Variants in DOCK2 observed in about 807,000 individuals in gnomAD.
DOCK2 encodes dedicator of cytokinesis 2.
DOCK2 carries 87 observed loss-of-function variants against 248.9 expected under a neutral mutation model. The ratio of observed to expected loss-of-function variants is 0.35; its 90% CI spans 0.29 to 0.42. DOCK2 has a LOEUF of 0.42. Among genes scored for constraint, DOCK2 ranks in the 10% least tolerant of loss-of-function variants. The pLI is 1.00. For synonymous variants in DOCK2, 805 were observed against 821.6 expected, an observed-to-expected ratio of 0.98 and a Z score of 0.35; for missense variants, 1,747 against 2,300.2, an observed-to-expected ratio of 0.76 and a Z score of 4.92.
At chr5:169,843,792 T>G (rs1477280360) in intron 27 of DOCK2, among the ~76,000 whole-genome samples, 1 of 152,228 alleles carries the variant, frequency 6.6e-6, no homozygotes, top group East Asian at 1.9e-4. Flanking sequence ...TTTATATAAA[T>G]GAAATCATAC....
chr5:169,841,496 G>T (rs1401582149), intron 27 of DOCK2: 1 of 971,868 alleles, frequency 1.0e-6, no homozygotes, highest in African/African-American at 1.8e-5. Flanking sequence ...ACATAAATGA[G>T]TATGCCCAAC....
chr5:169,916,400 C>A (rs950757382), intron 27 of DOCK2, among the ~76,000 whole-genome samples: 1 of 152,172 alleles, frequency 6.6e-6, no homozygotes, highest in African/African-American at 2.4e-5. Flanking sequence ...CCTCCTATCA[C>A]CCCTGTTCTG....
intron 27 of DOCK2, among the ~76,000 whole-genome samples, chr5:169,859,574 C>G (rs186381332): frequency 6.6e-6 from 1 of 152,180 alleles, no homozygotes; most frequent in African/African-American, 2.4e-5. Context: ...AAAATGAGAG[C>G]CTTTTCAAGT....
intron 26 of DOCK2, among the ~76,000 whole-genome samples, chr5:169,809,103 G>A (rs1468905405): frequency 6.6e-6 from 1 of 152,004 alleles, no homozygotes; most frequent in Non-Finnish European, 1.5e-5. Context: ...CAATTCTTGT[G>A]CCTCAGCTGG....
intron 25 of DOCK2, among the ~76,000 whole-genome samples, chr5:169,772,143 T>A (rs1329601406): frequency 6.6e-6 from 1 of 152,176 alleles, no homozygotes; most frequent in Admixed American, 6.5e-5. Flanking sequence ...CAGTCTCTGG[T>A]CCACAACATG....
chr5:169,919,875 C>A (rs761252422), intron 27 of DOCK2, among the ~76,000 whole-genome samples: 1 of 152,118 alleles, frequency 6.6e-6, no homozygotes, highest in Non-Finnish European at 1.5e-5. Context: ...CATTAACCAG[C>A]AGATTAGTAT....
At chr5:169,875,817 GC>G (rs995777174) in intron 27 of DOCK2, 5 of 152,610 alleles carry the variant, frequency 3.3e-5, no homozygotes, top group African/African-American at 1.2e-4. Flanking sequence ...TCTTTCGTCA[GC>G]TGTTATCATT....
chr5:169,639,140 A>G (rs1439742713), intron 1 of DOCK2, among the ~76,000 whole-genome samples: 1 of 152,202 alleles, frequency 6.6e-6, no homozygotes, highest in African/African-American at 2.4e-5. Context: ...AAGAAGTTAA[A>G]TAGTTAATTA....
chr5:170,032,641 C>T (rs1172174071), intron 34 of DOCK2, among the ~76,000 whole-genome samples: 2 of 152,190 alleles, frequency 1.3e-5, no homozygotes, highest in Non-Finnish European at 2.9e-5. Context: ...CAGGAGGAGG[C>T]ATGCACAGCT....
intron 27 of DOCK2, among the ~76,000 whole-genome samples, chr5:169,849,940 T>A (rs1053598537): frequency 3.0e-4 from 45 of 152,250 alleles, no homozygotes; most frequent in African/African-American, 1.1e-3. Context: ...GCTAAATGAA[T>A]GAAAGATGTT....
chr5:170,010,611 G>A (rs939994917), intron 32 of DOCK2, among the ~76,000 whole-genome samples: 13 of 152,274 alleles, frequency 8.5e-5, no homozygotes, highest in East Asian at 3.9e-4. Flanking sequence ...AAAAGAAGCC[G>A]GGAGACTGGG....
At chr5:169,752,321 C>G (rs779185738) in intron 23 of DOCK2, among the ~76,000 whole-genome samples, 1 of 152,152 alleles carries the variant, frequency 6.6e-6, no homozygotes, top group African/African-American at 2.4e-5. Flanking sequence ...GTGAATGCCA[C>G]TTATGCTAAT....
At chr5:170,030,621 G>A (rs1756099733) in intron 34 of DOCK2, among the ~76,000 whole-genome samples, 1 of 152,200 alleles carries the variant, frequency 6.6e-6, no homozygotes, top group Admixed American at 6.5e-5. Context: ...AATCCAGAAT[G>A]CTCCAGTGAG....
chr5:169,670,315 T>A (rs538641786), intron 3 of DOCK2, among the ~76,000 whole-genome samples: 95 of 152,154 alleles, frequency 6.2e-4, no homozygotes, highest in Non-Finnish European at 1.2e-3. Flanking sequence ...AGGGCTATTG[T>A]GGGATCTAGA....
chr5:170,067,769 A>T, intron 45 of DOCK2, 83 bp downstream of exon 45: 1 of 1,468,924 alleles, frequency 6.8e-7, no homozygotes, highest in Non-Finnish European at 9.3e-7. Flanking sequence ...ATGCAGGTAC[A>T]TGTCACTTAT....
intron 41 of DOCK2, among the ~76,000 whole-genome samples, chr5:170,053,277 G>T (rs1247534345): frequency 1.3e-5 from 2 of 152,208 alleles, no homozygotes; most frequent in African/African-American, 4.8e-5. Flanking sequence ...TAAAACAGGG[G>T]TCTGCAAACT....
intron 25 of DOCK2, among the ~76,000 whole-genome samples, chr5:169,795,312 C>T (rs1766577828): frequency 6.6e-6 from 1 of 152,140 alleles, no homozygotes; most frequent in Non-Finnish European, 1.5e-5. Flanking sequence ...AGAATTTTAA[C>T]CAGGTGCTGA....
chr5:169,799,359 T>C (rs989479917), intron 25 of DOCK2, among the ~76,000 whole-genome samples: 14 of 152,344 alleles, frequency 9.2e-5, no homozygotes, highest in African/African-American at 3.1e-4. Context: ...AATGAAGGCA[T>C]AATTGGGAAG....
chr5:170,055,211 A>C (rs2113856818), intron 41 of DOCK2, 94 bp from the exon 42 acceptor site: 1 of 1,260,986 alleles, frequency 7.9e-7, no homozygotes, highest in East Asian at 2.4e-5. Context: ...GTGGCCCCAT[A>C]AAGGCTGGCC....
Sources: gnomAD v4.1 joint callset for allele counts (sites outside exome capture counted in the v4.1 genomes callset) on GRCh38, gnomAD v4.1.1 for gene constraint, MANE v1.5 for transcripts, NCBI Gene and HGNC (gene_info 2026-07-23, HGNC 2026-07-21) for gene names.